Variants in TWIST2 observed in about 807,000 individuals in gnomAD.
TWIST2 encodes the protein twist family bHLH transcription factor 2.
In TWIST2, 1 loss-of-function variant was observed where a neutral mutation model predicts 11.6. The ratio of observed to expected loss-of-function variants is 0.09; its 90% CI spans 0.03 to 0.41. The LOEUF is 0.41. Ranked by LOEUF, TWIST2 falls within the 10% of genes least tolerant of loss-of-function variation. The pLI is 0.98. For missense variants in TWIST2, 168 were observed against 226.4 expected, an observed-to-expected ratio of 0.74 and a Z score of 1.66; for synonymous variants, 87 against 96.6, an observed-to-expected ratio of 0.90 and a Z score of 0.58.
chr2:238,865,502 C>T lies in TWIST2; in HGVS notation c.*35+16769C>T, dbSNP rs142678539. 3.4e-3 allele frequency among the ~76,000 whole-genome samples: 519 copies of T among 152,248 alleles called. 6 individuals are homozygous for T. Among genetic ancestry groups the T allele is most frequent in the African/African-American group, 0.011 (454 of 41,544 alleles). The stretch of plus-strand genomic sequence containing the variant: ...GAGGCGCTCGTGTCAGGATTCCCTG[C>T]GGGAGATCGGGTAGCTTCAGCCTGG... On this transcript the variant is annotated intron_variant, in intron 1 of 1. Coordinates refer to ENST00000612363, the MANE Select transcript of TWIST2 (RefSeq NM_001271893.4).
At chr2:238,899,334 T>G (rs1179293223) in intron 1 of TWIST2, among the ~76,000 whole-genome samples, 1 of 152,256 alleles carries the variant, frequency 6.6e-6, no homozygotes, top group Non-Finnish European at 1.5e-5. Context: ...TCTCTTGGGC[T>G]CCTGTTCTCA....
At chr2:238,874,714 G>A (rs1692772084) in intron 1 of TWIST2, among the ~76,000 whole-genome samples, 3 of 152,208 alleles carry the variant, frequency 2.0e-5, no homozygotes, top group African/African-American at 7.2e-5. Flanking sequence ...AGAATCTACA[G>A]GGGCTCTCTG....
At chr2:238,885,259 G>A (rs865924518) in intron 1 of TWIST2, among the ~76,000 whole-genome samples, 1 of 152,304 alleles carries the variant, frequency 6.6e-6, no homozygotes, top group Middle Eastern at 3.4e-3. Context: ...CTGGATGGTG[G>A]TCAGTCTTCC....
chr2:238,859,991 G>A (rs148677671), intron 1 of TWIST2, among the ~76,000 whole-genome samples: 1,562 of 152,282 alleles, frequency 0.01, 23 homozygotes, highest in African/African-American at 0.035. Flanking sequence ...CTAGATGAGA[G>A]CCAGGAGCAT....
At chr2:238,869,123 T>C (rs938909537) in intron 1 of TWIST2, among the ~76,000 whole-genome samples, 1 of 152,174 alleles carries the variant, frequency 6.6e-6, no homozygotes, top group Non-Finnish European at 1.5e-5. Flanking sequence ...CATCGACTCC[T>C]GCAAAGCCTG....
At chr2:238,894,432 G>C (rs1363742694) in intron 1 of TWIST2, among the ~76,000 whole-genome samples, 1 of 152,172 alleles carries the variant, frequency 6.6e-6, no homozygotes, top group African/African-American at 2.4e-5. Context: ...GTGTCTGGTG[G>C]GTGGCCCCTT....
chr2:238,859,790 C>T (rs1692399045), intron 1 of TWIST2, among the ~76,000 whole-genome samples: 1 of 152,172 alleles, frequency 6.6e-6, no homozygotes, highest in Non-Finnish European at 1.5e-5. Flanking sequence ...TATTCACACA[C>T]ACACATGCAT....
chr2:238,903,408 G>GGT (rs1241213231), intron 1 of TWIST2, among the ~76,000 whole-genome samples: 1 of 144,958 alleles, frequency 6.9e-6, no homozygotes, highest in South Asian at 2.3e-4. Flanking sequence ...TCTAATGTGA[G>GGT]GTGTGTGTGT....
intron 1 of TWIST2, among the ~76,000 whole-genome samples, chr2:238,909,462 G>A (rs1693415925): frequency 1.3e-5 from 2 of 152,148 alleles, no homozygotes; most frequent in African/African-American, 2.4e-5. Context: ...CCAACGTGCC[G>A]AGCCTCTCTT....
chr2:238,892,797 T>C (rs1693161939), intron 1 of TWIST2, among the ~76,000 whole-genome samples: 1 of 152,208 alleles, frequency 6.6e-6, no homozygotes, highest in East Asian at 1.9e-4. Flanking sequence ...TATGTTTTTT[T>C]CCAATCACCA....
At chr2:238,901,776 G>C (rs1431798829) in intron 1 of TWIST2, among the ~76,000 whole-genome samples, 1 of 152,252 alleles carries the variant, frequency 6.6e-6, no homozygotes, top group African/African-American at 2.4e-5. Flanking sequence ...GCTTTGTGGG[G>C]TGGCCAGGAC....
At chr2:238,891,006 CT>C (rs1693122430) in intron 1 of TWIST2, among the ~76,000 whole-genome samples, 1 of 152,214 alleles carries the variant, frequency 6.6e-6, no homozygotes, top group Admixed American at 6.5e-5. Context: ...TGCACTTTCA[CT>C]CCTGTTCTCG....
intron 1 of TWIST2, among the ~76,000 whole-genome samples, chr2:238,895,186 G>C (rs1389769319): frequency 6.6e-6 from 1 of 152,236 alleles, no homozygotes; most frequent in Non-Finnish European, 1.5e-5. Context: ...CATTTGTAAA[G>C]TTCACGCCCC....
intron 1 of TWIST2, among the ~76,000 whole-genome samples, chr2:238,888,427 A>G (rs1693078324): frequency 6.6e-6 from 1 of 152,232 alleles, no homozygotes; most frequent in Non-Finnish European, 1.5e-5. Flanking sequence ...TTATTGACAA[A>G]GCTTGATTAA....
intron 1 of TWIST2, among the ~76,000 whole-genome samples, chr2:238,906,563 T>A (rs1429179083): frequency 6.6e-6 from 1 of 151,754 alleles, no homozygotes; most frequent in Non-Finnish European, 1.5e-5. Flanking sequence ...ATACACATGC[T>A]CACACAATTT....
rs1409041868 is a variant in TWIST2 at position 238,867,792 on chromosome 2, G to T, written c.*35+19059G>T. 1.3e-5 allele frequency among the ~76,000 whole-genome samples: 2 copies of T among 152,178 alleles called. No homozygotes were observed. Among genetic ancestry groups the T allele is most frequent in the Non-Finnish European group, 2.9e-5 (2 of 68,044 alleles). ...TTGATGGTGAGTTAGGAGGCCAGGA[G>T]GGAAGCAGCCGTTCCCAGAGCTGAG... On this transcript the variant is annotated intron_variant, in intron 1 of 1. Transcript: ENST00000612363. The surrounding 1 kb of genome is among the most constrained non-coding windows in gnomAD (Gnocchi z 4.8).
intron 1 of TWIST2, among the ~76,000 whole-genome samples, chr2:238,855,742 C>T (rs926692834): frequency 3.3e-5 from 5 of 152,088 alleles, no homozygotes; most frequent in Non-Finnish European, 4.4e-5. Flanking sequence ...CATCAGGTCC[C>T]GTGATAGCTC....
At chr2:238,862,944 G>A (rs1390798299) in intron 1 of TWIST2, among the ~76,000 whole-genome samples, 3 of 152,166 alleles carry the variant, frequency 2.0e-5, no homozygotes, top group Admixed American at 6.5e-5. Flanking sequence ...CAAAGTGTGT[G>A]TGTGCATGCA....
chr2:238,876,739 T>C (rs1238065349), intron 1 of TWIST2, among the ~76,000 whole-genome samples: 10 of 152,212 alleles, frequency 6.6e-5, no homozygotes, highest in African/African-American at 2.4e-4. Context: ...CTTTGCCAGG[T>C]TTTTGACACA....
Sources: gnomAD v4.1 joint callset for allele counts (sites outside exome capture counted in the v4.1 genomes callset) on GRCh38, gnomAD v4.1.1 for gene constraint, Gnocchi (gnomAD v3.1) non-coding constraint, MANE v1.5 for transcripts, NCBI Gene and HGNC (gene_info 2026-07-23, HGNC 2026-07-21) for gene names.